The following SLC30A6 variants were observed in gnomAD, a reference collection of about 807,000 sequenced individuals.
SLC30A6 encodes zinc transporter 6.
In SLC30A6, 55 loss-of-function variants were observed where a neutral mutation model predicts 63.0. That is an observed-to-expected ratio of 0.87 (90% CI 0.70 to 1.09). The LOEUF is 1.09. Ranked by LOEUF, SLC30A6 falls within the 50% of genes least tolerant of loss-of-function variation. The pLI is 0.00. For missense variants in SLC30A6, 587 were observed against 549.2 expected (o/e 1.07, Z -0.69); for synonymous variants, 224 against 186.1 (o/e 1.20, Z -1.66).
chr2:32,195,422 T>G (rs1168015105), intron 8 of SLC30A6, among the ~76,000 whole-genome samples: 1 of 152,118 alleles, frequency 6.6e-6, no homozygotes, highest in Non-Finnish European at 1.5e-5. Flanking sequence ...TTAAATACTC[T>G]TTGAATGTAA....
chr2:32,221,484 A>T lies in SLC30A6; in HGVS notation c.*771A>T, dbSNP rs184318576. ...ATATTTTCTTTAATGAAATTTATAAATATGCTTCTTGAATAATACACATTT... is the reference window on the plus strand; with the variant it reads ...ATATTTTCTTTAATGAAATTTATAATTATGCTTCTTGAATAATACACATTT... On this transcript the variant is annotated 3_prime_UTR_variant, in exon 14 of 14. Transcript: ENST00000282587. The T allele has an allele frequency of 6.6e-6, 1 of 152,174 alleles. No individual in the cohort carries two copies. The highest frequency in any genetic ancestry group is 1.9e-4 in the East Asian group (1 of 5,202). The allele number at this position is 152,174 out of a possible 1,614,324, so 9.4% of individuals were successfully genotyped here. A position where few individuals can be genotyped will look rare whatever the true frequency, so the allele number is the denominator to read the frequency against.
At chr2:32,195,101 T>TTC (rs982606148) in intron 8 of SLC30A6, among the ~76,000 whole-genome samples, 1 of 148,030 alleles carries the variant, frequency 6.8e-6, no homozygotes, top group African/African-American at 2.5e-5. Context: ...ATGCCTGGCT[T>TTC]TTTTTTTTTT....
Position 32,184,340 on chromosome 2 carries a change from TA to T in SLC30A6, c.284+4del. 2 of 1,478,946 alleles carry T rather than the reference TA, an allele frequency of 1.4e-6. No individual in the cohort carries two copies. The highest frequency in any genetic ancestry group is 9.1e-7 in the Non-Finnish European group (1 of 1,099,560). 91.6% of individuals were successfully genotyped at this position (1,478,946 alleles called of 1,614,324 possible). ...ACCTAGCCCTGTCTATTCATTTGGGTAAGTTCAAATTATTTTATTTTCTGCT... is the reference window on the plus strand; with the variant it reads ...ACCTAGCCCTGTCTATTCATTTGGGTAGTTCAAATTATTTTATTTTCTGCT... On this transcript the variant is annotated splice_donor_region_variant and intron_variant, in intron 5 of 13. Transcript: ENST00000282587.
At chr2:32,173,706 G>A (rs556988730) in intron 2 of SLC30A6, among the ~76,000 whole-genome samples, 2 of 152,086 alleles carry the variant, frequency 1.3e-5, no homozygotes, top group Admixed American at 6.6e-5. Flanking sequence ...CCTTTATTCA[G>A]ATTCACCAGT....
intron 2 of SLC30A6, among the ~76,000 whole-genome samples, chr2:32,171,936 C>T (rs1284101497): frequency 4.6e-5 from 7 of 152,104 alleles, no homozygotes; most frequent in Middle Eastern, 3.2e-3. Context: ...TCAGGTGATC[C>T]GCCCACCTCG....
intron 5 of SLC30A6, 24 bp from the exon 6 acceptor site, chr2:32,192,312 A>G: frequency 3.1e-6 from 5 of 1,605,606 alleles, no homozygotes; most frequent in Non-Finnish European, 4.3e-6. Context: ...AATTGTGATG[A>G]TCTAATTAAT....
At chr2:32,197,669 T>C (rs1683915311) in intron 9 of SLC30A6, 38 bp from the exon 10 acceptor site, 1 of 1,612,270 alleles carries the variant, frequency 6.2e-7, no homozygotes, top group East Asian at 2.2e-5. Flanking sequence ...TTATGTGAGT[T>C]CTGCTAATGG....
At chr2:32,202,165 A>C in intron 10 of SLC30A6, 2 of 776,478 alleles carry the variant, frequency 2.6e-6, no homozygotes, top group Non-Finnish European at 4.1e-6. Flanking sequence ...AAAGCTTCTG[A>C]AAGGTTGAGG....
At chr2:32,176,915 G>T (rs1681798119) in intron 4 of SLC30A6, among the ~76,000 whole-genome samples, 1 of 151,850 alleles carries the variant, frequency 6.6e-6, no homozygotes, top group Non-Finnish European at 1.5e-5. Flanking sequence ...TGGGAATACA[G>T]ACATGCACCA....
chr2:32,206,189 G>A (rs1684756293), intron 11 of SLC30A6, among the ~76,000 whole-genome samples: 1 of 151,422 alleles, frequency 6.6e-6, no homozygotes, highest in African/African-American at 2.4e-5. Context: ...GCTCATGCCT[G>A]TAATCCCAGC....
At chr2:32,175,255 T>C in intron 3 of SLC30A6, 64 bp from the exon 4 acceptor site, 3 of 1,502,032 alleles carry the variant, frequency 2.0e-6, no homozygotes, top group Non-Finnish European at 2.8e-6. Context: ...ATAATTTTGG[T>C]AACTTGCTGT....
At chr2:32,181,012 C>T (rs559068049) in intron 4 of SLC30A6, among the ~76,000 whole-genome samples, 69 of 152,222 alleles carry the variant, frequency 4.5e-4, no homozygotes, top group Middle Eastern at 6.8e-3. Flanking sequence ...AATATCCAAA[C>T]ACAGAAGAAA....
chr2:32,201,832 T>C, intron 10 of SLC30A6: 1 of 1,427,840 alleles, frequency 7.0e-7, no homozygotes. Flanking sequence ...CCATTATGAC[T>C]CAGATGAGAA....
intron 8 of SLC30A6, among the ~76,000 whole-genome samples, chr2:32,194,801 A>G (rs113541995): frequency 5.3e-5 from 8 of 152,342 alleles, no homozygotes; most frequent in African/African-American, 7.2e-5. Context: ...TACTGCATGA[A>G]TTAGAAAATT....
intron 11 of SLC30A6, among the ~76,000 whole-genome samples, chr2:32,205,929 A>T (rs1167046575): frequency 6.6e-6 from 1 of 151,818 alleles, no homozygotes; most frequent in South Asian, 2.1e-4. Flanking sequence ...TGAACCTCCT[A>T]AAGTGCTGGG....
chr2:32,219,697 A>C (rs890456673), intron 13 of SLC30A6, among the ~76,000 whole-genome samples: 1 of 152,158 alleles, frequency 6.6e-6, no homozygotes, highest in African/African-American at 2.4e-5. Context: ...CGGCCTCCCA[A>C]AGTGCTGGGA....
intron 8 of SLC30A6, among the ~76,000 whole-genome samples, chr2:32,195,012 G>C (rs1283256596): frequency 6.7e-6 from 1 of 150,334 alleles, no homozygotes; most frequent in Non-Finnish European, 1.5e-5. Flanking sequence ...ACATTTCTAT[G>C]TTATTCCTTC....
intron 11 of SLC30A6, among the ~76,000 whole-genome samples, chr2:32,206,470 G>C (rs756828619): frequency 1.3e-5 from 2 of 151,744 alleles, no homozygotes; most frequent in Admixed American, 6.6e-5. Flanking sequence ...TCCCAGGGCC[G>C]GATGTGCGTG....
chr2:32,204,814 T>TA (rs1684606124), intron 11 of SLC30A6, 122 bp downstream of exon 11: 1 of 287,842 alleles, frequency 3.5e-6, no homozygotes, highest in African/African-American at 2.3e-5. Flanking sequence ...AATTTTAATT[T>TA]TTTTTTTTTT....
Sources: gnomAD v4.1 joint callset for allele counts (sites outside exome capture counted in the v4.1 genomes callset) on GRCh38, gnomAD v4.1.1 for gene constraint, MANE v1.5 for transcripts, NCBI Gene and HGNC (gene_info 2026-07-23, HGNC 2026-07-21) for gene names.